Variants in ZBTB16 observed in about 807,000 individuals in gnomAD.
The protein encoded by ZBTB16 is zinc finger and BTB domain containing 16, also known as zinc finger and BTB domain-containing protein 16.
In ZBTB16, 8 loss-of-function variants were observed where a neutral mutation model predicts 56.8. The ratio of observed to expected loss-of-function variants is 0.14; its 90% CI spans 0.08 to 0.25. The LOEUF is 0.25. Ranked by LOEUF, ZBTB16 falls within the 10% of genes least tolerant of loss-of-function variation. ZBTB16 has a pLI of 1.00. For missense variants in ZBTB16, 625 were observed against 903.0 expected, an observed-to-expected ratio of 0.69 and a Z score of 3.95; for synonymous variants, 363 against 368.5, an observed-to-expected ratio of 0.98 and a Z score of 0.17.
intron 6 of ZBTB16, 54 bp downstream of exon 6, chr11:114,247,419 G>A: frequency 1.2e-6 from 2 of 1,611,214 alleles, no homozygotes; most frequent in Non-Finnish European, 1.7e-6. Context: ...GGCGGAGGTG[G>A]GAAGCAGATA....
chr11:114,139,907 C>G (rs753992787), intron 2 of ZBTB16, among the ~76,000 whole-genome samples: 3 of 152,274 alleles, frequency 2.0e-5, no homozygotes, highest in African/African-American at 7.2e-5. Flanking sequence ...TACCATATGT[C>G]AGGATAGGAA....
chr11:114,129,190 A>G (rs965622718), intron 2 of ZBTB16, among the ~76,000 whole-genome samples: 4 of 152,194 alleles, frequency 2.6e-5, no homozygotes, highest in African/African-American at 9.7e-5. Context: ...CCTTATTTCC[A>G]TAAGCATTTT....
At chr11:114,131,353 T>G (rs2134860738) in intron 2 of ZBTB16, among the ~76,000 whole-genome samples, 1 of 152,366 alleles carries the variant, frequency 6.6e-6, no homozygotes, top group South Asian at 2.1e-4. Flanking sequence ...AGAAACCCTT[T>G]CAAAATTTTT....
chr11:114,065,220 G>A (rs537259360), intron 2 of ZBTB16, among the ~76,000 whole-genome samples: 1 of 152,226 alleles, frequency 6.6e-6, no homozygotes, highest in Admixed American at 6.5e-5. Flanking sequence ...CTTGCAGCCT[G>A]TGAAGTCTCA....
chr11:114,068,594 C>G (rs1939213831), intron 2 of ZBTB16, among the ~76,000 whole-genome samples: 1 of 152,178 alleles, frequency 6.6e-6, no homozygotes. Flanking sequence ...GAAGTCAGAA[C>G]AGTGGGAAGA....
intron 4 of ZBTB16, among the ~76,000 whole-genome samples, chr11:114,234,525 C>T (rs755477433): frequency 2.0e-4 from 30 of 152,230 alleles, no homozygotes; most frequent in African/African-American, 5.8e-4. Flanking sequence ...TTCTGAGGAA[C>T]GCCAGGAGTA....
intron 2 of ZBTB16, among the ~76,000 whole-genome samples, chr11:114,068,655 C>A (rs1275746351): frequency 6.6e-6 from 1 of 152,140 alleles, no homozygotes; most frequent in East Asian, 1.9e-4. Flanking sequence ...AAGCTTTGGG[C>A]CCCCAAATCT....
chr11:114,221,238 C>T (rs1944227038), intron 4 of ZBTB16, among the ~76,000 whole-genome samples: 1 of 152,174 alleles, frequency 6.6e-6, no homozygotes, highest in Non-Finnish European at 1.5e-5. Flanking sequence ...AGAGAGTTTT[C>T]TTTCTATGAA....
At chr11:114,226,056 G>GCTTTGTAC (rs1424761716) in intron 4 of ZBTB16, among the ~76,000 whole-genome samples, 1 of 152,182 alleles carries the variant, frequency 6.6e-6, no homozygotes, top group Non-Finnish European at 1.5e-5. Flanking sequence ...GAGGCTCTTT[G>GCTTTGTAC]CTTTGTACTT....
chr11:114,150,336 A>G (rs900924384), intron 2 of ZBTB16, among the ~76,000 whole-genome samples: 1 of 152,172 alleles, frequency 6.6e-6, no homozygotes, highest in Non-Finnish European at 1.5e-5. Context: ...AGACACATAG[A>G]AAGTACAGGA....
intron 2 of ZBTB16, among the ~76,000 whole-genome samples, chr11:114,144,965 T>C (rs1183788793): frequency 1.3e-5 from 2 of 152,356 alleles, no homozygotes; most frequent in East Asian, 3.9e-4. Flanking sequence ...GTCTGGTGTT[T>C]TTCTTTCCTT....
At chr11:114,098,251 G>A (rs1441933734) in intron 2 of ZBTB16, among the ~76,000 whole-genome samples, 5 of 152,252 alleles carry the variant, frequency 3.3e-5, no homozygotes, top group South Asian at 2.1e-4. Context: ...CTCTGCCCCC[G>A]TGGTGGTATC....
At chr11:114,217,237 A>C (rs1944124318) in intron 4 of ZBTB16, among the ~76,000 whole-genome samples, 1 of 152,234 alleles carries the variant, frequency 6.6e-6, no homozygotes, top group African/African-American at 2.4e-5. Context: ...TTTTATCCAC[A>C]GATGACAAGG....
chr11:114,178,586 T>G (rs1434665734), intron 3 of ZBTB16, among the ~76,000 whole-genome samples: 2 of 152,140 alleles, frequency 1.3e-5, no homozygotes, highest in Non-Finnish European at 2.9e-5. Context: ...TACCCGCTGG[T>G]GCTAAAAGGG....
intron 2 of ZBTB16, among the ~76,000 whole-genome samples, chr11:114,099,977 C>T (rs774216655): frequency 6.6e-6 from 1 of 152,180 alleles, no homozygotes; most frequent in East Asian, 1.9e-4. Flanking sequence ...TAGTGGATTG[C>T]TGCATACACA....
At chr11:114,127,944 G>T (rs1941555763) in intron 2 of ZBTB16, among the ~76,000 whole-genome samples, 1 of 152,088 alleles carries the variant, frequency 6.6e-6, no homozygotes, top group African/African-American at 2.4e-5. Flanking sequence ...CCCTTGGAAG[G>T]CTAGAGTCTT....
intron 2 of ZBTB16, among the ~76,000 whole-genome samples, chr11:114,135,996 C>G (rs1941787893): frequency 6.6e-6 from 1 of 152,162 alleles, no homozygotes; most frequent in Non-Finnish European, 1.5e-5. Context: ...GGGGAGATTC[C>G]TTTTCTTCGG....
chr11:114,244,543 C>T (rs1439250805), intron 5 of ZBTB16, among the ~76,000 whole-genome samples: 1 of 152,182 alleles, frequency 6.6e-6, no homozygotes, highest in African/African-American at 2.4e-5. Context: ...CTGACACAAT[C>T]AGCTCTCAGG....
chr11:114,101,259 C>T (rs1482205099), intron 2 of ZBTB16, among the ~76,000 whole-genome samples: 3 of 152,128 alleles, frequency 2.0e-5, no homozygotes, highest in Non-Finnish European at 4.4e-5. Flanking sequence ...CCCTCCTTGT[C>T]CTCTTAAAGT....
Sources: allele counts gnomAD v4.1 joint callset (sites outside exome capture counted in the v4.1 genomes callset), GRCh38; gene constraint gnomAD v4.1.1; transcripts MANE v1.5; gene names NCBI Gene and HGNC (gene_info 2026-07-23, HGNC 2026-07-21).